SHANK2: variants seen among roughly 807,000 people sequenced by gnomAD.
SHANK2 encodes the protein SH3 and multiple ankyrin repeat domains protein 2.
SHANK2 carries 43 observed loss-of-function variants against 133.7 expected under a neutral mutation model. That is an observed-to-expected ratio of 0.32 (90% confidence interval 0.25 to 0.41). SHANK2 has a LOEUF of 0.41. Ranked by LOEUF, SHANK2 falls within the 10% of genes least tolerant of loss-of-function variation. The pLI is 1.00. For synonymous variants in SHANK2, 1,017 were observed against 952.8 expected (o/e 1.07, Z -1.24); for missense variants, 1,994 against 2,235.8 (o/e 0.89, Z 2.18).
chr11:70,904,510 GTTT>G (rs11336653), intron 10 of SHANK2, among the ~76,000 whole-genome samples: 28 of 136,254 alleles, frequency 2.1e-4, no homozygotes, highest in Non-Finnish European at 2.2e-4. Context: ...GATCTGATGG[GTTT>G]TTTTTTTTTT....
At chr11:70,769,649 G>A (rs116009688) in intron 14 of SHANK2, among the ~76,000 whole-genome samples, 1 of 152,372 alleles carries the variant, frequency 6.6e-6, no homozygotes, top group African/African-American at 2.4e-5. Flanking sequence ...ATGTGAGGGT[G>A]TACGTGTGCT....
chr11:70,642,033 C>T (rs549468256), intron 17 of SHANK2, among the ~76,000 whole-genome samples: 23 of 152,274 alleles, frequency 1.5e-4, no homozygotes, highest in South Asian at 1.0e-3. Context: ...GAGAAGGCTA[C>T]GGGGGACTGG....
At chr11:70,533,084 G>C (rs1432186993) in intron 17 of SHANK2, among the ~76,000 whole-genome samples, 1 of 152,144 alleles carries the variant, frequency 6.6e-6, no homozygotes, top group Non-Finnish European at 1.5e-5. Context: ...GCCGGAGGCT[G>C]GGGGGAGGGG....
chr11:70,896,400 T>C, intron 11 of SHANK2, 101 bp downstream of exon 11: 1 of 624,054 alleles, frequency 1.6e-6, no homozygotes, highest in African/African-American at 1.8e-5. Flanking sequence ...AAGCAGGCTC[T>C]AAACCAATCT....
intron 1 of SHANK2, among the ~76,000 whole-genome samples, chr11:71,244,955 C>T (rs562489559): frequency 6.6e-5 from 10 of 152,132 alleles, no homozygotes; most frequent in East Asian, 5.8e-4. Context: ...CCACCCGTCT[C>T]GGCCTCCCAA....
rs1439086696 is a variant in SHANK2 at position 70,807,871 on chromosome 11, T to C, written c.1494-700A>G. Among the ~76,000 whole-genome samples, 1 of 149,640 alleles carries C rather than the reference T, an allele frequency of 6.7e-6. No homozygotes were observed. Among genetic ancestry groups the C allele is most frequent in the Admixed American group, 6.6e-5 (1 of 15,044 alleles). ...ACTGTGACACAGGCTACACCATGGGTGAACCTTGGGGACACTGCTCAGTGA... is the reference window on the plus strand; with the variant it reads ...ACTGTGACACAGGCTACACCATGGGCGAACCTTGGGGACACTGCTCAGTGA... On this transcript the variant is annotated intron_variant, in intron 12 of 25. Transcript: ENST00000601538. The surrounding 1 kb of genome is among the most constrained non-coding windows in gnomAD (Gnocchi z 4.8).
intron 11 of SHANK2, among the ~76,000 whole-genome samples, chr11:70,885,147 C>G (rs374526912): frequency 6.6e-6 from 1 of 151,978 alleles, no homozygotes; most frequent in African/African-American, 2.4e-5. Flanking sequence ...GGTTGGGAAC[C>G]AGGGAACAAA....
chr11:70,545,779 T>G (rs2059685597), intron 17 of SHANK2, among the ~76,000 whole-genome samples: 1 of 152,174 alleles, frequency 6.6e-6, no homozygotes, highest in Non-Finnish European at 1.5e-5. Flanking sequence ...AAGGGCCCAG[T>G]CCCACAAGAC....
intron 9 of SHANK2, among the ~76,000 whole-genome samples, chr11:71,073,147 C>CTTTTTTTTGTTTTTTTTTTTTTTTT (rs1156355131): frequency 1.6e-5 from 1 of 62,716 alleles, no homozygotes; most frequent in African/African-American, 4.2e-5. Flanking sequence ...TTTTTCTTTT[C>CTTTTTTTTGTTTTTTTTTTTTTTTT]TTTTTTTTCT....
At chr11:70,497,015 A>G (rs1187245755) in intron 21 of SHANK2, 2 of 456,586 alleles carry the variant, frequency 4.4e-6, no homozygotes, top group Non-Finnish European at 8.8e-6. Context: ...ACCCCAAAAC[A>G]AATGTTCTTT....
intron 17 of SHANK2, among the ~76,000 whole-genome samples, chr11:70,637,040 G>A (rs911859767): frequency 3.3e-5 from 5 of 151,608 alleles, no homozygotes; most frequent in Non-Finnish European, 1.5e-5. Flanking sequence ...ACACTCCTCT[G>A]GTGGGCACGT....
At chr11:70,617,025 G>T (rs2060753086) in intron 17 of SHANK2, among the ~76,000 whole-genome samples, 1 of 152,000 alleles carries the variant, frequency 6.6e-6, no homozygotes, top group Non-Finnish European at 1.5e-5. Context: ...GTGCCTATGA[G>T]CGTGTGTGTC....
intron 17 of SHANK2, chr11:70,603,845 C>T (rs1434005938): frequency 6.5e-6 from 1 of 152,732 alleles, no homozygotes; most frequent in East Asian, 1.9e-4. Context: ...CAGGCAGAGA[C>T]CTGCCCGATG....
chr11:70,545,393 G>T (rs2136051575), intron 17 of SHANK2, among the ~76,000 whole-genome samples: 1 of 152,294 alleles, frequency 6.6e-6, no homozygotes. Context: ...CCCAGGGAGG[G>T]GCTGGCCAAG....
At chr11:70,931,282 T>G (rs577441162) in intron 10 of SHANK2, among the ~76,000 whole-genome samples, 1 of 152,342 alleles carries the variant, frequency 6.6e-6, no homozygotes, top group East Asian at 1.9e-4. Flanking sequence ...TAAAATTGAC[T>G]ATGGTGATAG....
At chr11:71,206,498 C>T (rs576283619) in intron 2 of SHANK2, among the ~76,000 whole-genome samples, 124 of 152,276 alleles carry the variant, frequency 8.1e-4, no homozygotes, top group African/African-American at 2.9e-3. Context: ...GCCGCACCCC[C>T]GCCAGCCTAC....
At position 71,062,564 on chromosome 11, in the gene SHANK2, C is replaced by T. The variant is rs1276352043; in HGVS notation, c.1030-6006G>A. Among the ~76,000 whole-genome samples the T allele has an allele frequency of 1.5e-4, 23 of 152,288 alleles. No individual in the cohort carries two copies. In the East Asian group the frequency reaches 4.5e-3, roughly 29 times the overall value. On this transcript the variant is annotated intron_variant, in intron 9 of 25. Transcript: ENST00000601538. ...CTGGCCCAGTGGCCTAGAAGAATCACCCAGCACCAGCAAAACCCAGATGGC... is the reference window on the plus strand; with the variant it reads ...CTGGCCCAGTGGCCTAGAAGAATCATCCAGCACCAGCAAAACCCAGATGGC...
chr11:70,880,880 A>C (rs2135578544), intron 11 of SHANK2, among the ~76,000 whole-genome samples: 1 of 152,296 alleles, frequency 6.6e-6, no homozygotes, highest in African/African-American at 2.4e-5. Flanking sequence ...CAGAATCTCC[A>C]AGGGGGATTT....
At chr11:70,952,909 C>A in intron 10 of SHANK2, 1 of 239,578 alleles carries the variant, frequency 4.2e-6, no homozygotes. Context: ...AATGGCATCA[C>A]TAAGCTGACC....
Sources: gnomAD v4.1 joint callset for allele counts (sites outside exome capture counted in the v4.1 genomes callset) on GRCh38, gnomAD v4.1.1 for gene constraint, Gnocchi (gnomAD v3.1) non-coding constraint, MANE v1.5 for transcripts, NCBI Gene and HGNC (gene_info 2026-07-23, HGNC 2026-07-21) for gene names.